The following STXBP5L variants were observed in gnomAD, a reference collection of about 807,000 sequenced individuals.
The protein encoded by STXBP5L is syntaxin binding protein 5L, also known as syntaxin-binding protein 5-like.
In STXBP5L, 65 loss-of-function variants were observed where a neutral mutation model predicts 144.5. That is an observed-to-expected ratio of 0.45 (90% CI 0.37 to 0.55). The LOEUF (loss-of-function observed/expected upper bound fraction) is 0.55, where lower values mean the gene tolerates loss of function less well. Among genes scored for constraint, STXBP5L ranks in the 20% least tolerant of loss-of-function variants. The pLI, the probability that STXBP5L is intolerant of heterozygous loss-of-function variation, is 0.00. For synonymous variants in STXBP5L, 505 were observed against 469.6 expected, an observed-to-expected ratio of 1.08 and a Z score of -0.97; for missense variants, 1,298 against 1,405.5, an observed-to-expected ratio of 0.92 and a Z score of 1.22.
chr3:121,194,042 AC>A (rs2047820197), intron 9 of STXBP5L, among the ~76,000 whole-genome samples: 1 of 152,168 alleles, frequency 6.6e-6, no homozygotes, highest in Non-Finnish European at 1.5e-5. Context: ...AAATAAAATG[AC>A]ATATCCTACA....
At chr3:121,411,194 G>T (rs1455984493) in intron 23 of STXBP5L, among the ~76,000 whole-genome samples, 1 of 152,036 alleles carries the variant, frequency 6.6e-6, no homozygotes, top group East Asian at 1.9e-4. Context: ...GACGAGCCAC[G>T]TATCAACTGC....
intron 5 of STXBP5L, among the ~76,000 whole-genome samples, chr3:121,059,881 T>C (rs2041176326): frequency 6.6e-6 from 1 of 152,208 alleles, no homozygotes; most frequent in Admixed American, 6.6e-5. Flanking sequence ...GCTGAGACTA[T>C]GGGGTTTTCT....
At chr3:120,942,225 A>G (rs1360837511) in intron 2 of STXBP5L, among the ~76,000 whole-genome samples, 1 of 151,752 alleles carries the variant, frequency 6.6e-6, no homozygotes, top group Non-Finnish European at 1.5e-5. Context: ...CTTGAGATAT[A>G]TAAACAAATA....
intron 2 of STXBP5L, among the ~76,000 whole-genome samples, chr3:120,926,822 C>G (rs1709656820): frequency 6.6e-6 from 1 of 152,074 alleles, no homozygotes; most frequent in Non-Finnish European, 1.5e-5. Flanking sequence ...TGTTGAGGGC[C>G]TCTAGTGAGT....
chr3:121,318,967 A>G (rs2043879427), intron 20 of STXBP5L, among the ~76,000 whole-genome samples: 1 of 152,194 alleles, frequency 6.6e-6, no homozygotes, highest in African/African-American at 2.4e-5. Context: ...ATATTTATTC[A>G]CAAGGAAAAA....
At chr3:121,002,238 G>T (rs756571761) in intron 3 of STXBP5L, among the ~76,000 whole-genome samples, 9 of 151,624 alleles carry the variant, frequency 5.9e-5, no homozygotes, top group Non-Finnish European at 1.3e-4. Flanking sequence ...TTTGATAATA[G>T]GCATTCTAAT....
rs1158392614 is a variant in STXBP5L at position 121,152,476 on chromosome 3, G to C, written c.670-1G>C. ...AAAATGATTGTTCTAATGTTTTCCA[G>C]CTGCTAATAGGTTATGAAAATGGTA... On this transcript the variant is annotated splice_acceptor_variant, in intron 7 of 26. Transcript: ENST00000471454. LOFTEE classifies it high-confidence loss of function. The C allele has an allele frequency of 6.3e-7, 1 of 1,590,604 alleles. No individual in the cohort carries two copies. Among genetic ancestry groups the C allele is most frequent in the Admixed American group, 1.8e-5 (1 of 54,824 alleles).
At chr3:121,125,486 A>C (rs535734613) in intron 7 of STXBP5L, among the ~76,000 whole-genome samples, 1 of 152,166 alleles carries the variant, frequency 6.6e-6, no homozygotes, top group East Asian at 1.9e-4. Context: ...AAAAATCAAG[A>C]TAATGTCATA....
chr3:121,171,747 T>A (rs1232034722), intron 9 of STXBP5L, among the ~76,000 whole-genome samples: 1 of 149,210 alleles, frequency 6.7e-6, no homozygotes, highest in Non-Finnish European at 1.5e-5. Flanking sequence ...ATAAGAAGAA[T>A]CAATATCGTG....
At chr3:121,343,470 A>C (rs1248649138) in intron 20 of STXBP5L, among the ~76,000 whole-genome samples, 1 of 152,174 alleles carries the variant, frequency 6.6e-6, no homozygotes, top group African/African-American at 2.4e-5. Context: ...CCCTGTTTGC[A>C]GATGACATGA....
At chr3:120,952,531 A>C (rs1711334023) in intron 2 of STXBP5L, among the ~76,000 whole-genome samples, 1 of 151,934 alleles carries the variant, frequency 6.6e-6, no homozygotes, top group South Asian at 2.1e-4. Flanking sequence ...TTCACTTTTA[A>C]GTCCTCATAA....
At chr3:121,296,070 G>A (rs1454667449) in intron 19 of STXBP5L, among the ~76,000 whole-genome samples, 2 of 152,058 alleles carry the variant, frequency 1.3e-5, no homozygotes, top group Non-Finnish European at 2.9e-5. Context: ...ATACTCAATT[G>A]TTTATTTACC....
intron 19 of STXBP5L, among the ~76,000 whole-genome samples, chr3:121,304,848 T>C (rs891647217): frequency 3.3e-5 from 5 of 151,702 alleles, no homozygotes; most frequent in Non-Finnish European, 7.4e-5. Flanking sequence ...AAGGAAATAA[T>C]AATCATCAAA....
intron 20 of STXBP5L, among the ~76,000 whole-genome samples, chr3:121,347,471 T>C (rs901299956): frequency 2.6e-5 from 4 of 152,170 alleles, no homozygotes; most frequent in Non-Finnish European, 4.4e-5. Flanking sequence ...AACTTTAAAG[T>C]AGTTTTTTCC....
At chr3:121,188,645 T>C (rs1275014086) in intron 9 of STXBP5L, among the ~76,000 whole-genome samples, 1 of 152,220 alleles carries the variant, frequency 6.6e-6, no homozygotes, top group Non-Finnish European at 1.5e-5. Flanking sequence ...GATGCAAGGC[T>C]GGTTCAACAT....
intron 3 of STXBP5L, among the ~76,000 whole-genome samples, chr3:120,968,709 T>C (rs966936431): frequency 1.1e-4 from 16 of 152,140 alleles, no homozygotes; most frequent in African/African-American, 3.9e-4. Flanking sequence ...TAGTCTTTTA[T>C]CCCTCCCCCG....
Position 121,419,128 on chromosome 3 carries a change from A to AT in STXBP5L, c.*31_*32insT. 1 of 1,605,636 alleles carries AT rather than the reference A, an allele frequency of 6.2e-7. No individual in the cohort carries two copies. The highest frequency in any genetic ancestry group is 2.2e-5 in the East Asian group (1 of 44,602). ...AAAGAAGCTGTGACTGCTTTGAGAA[A>AT]CCATATTCAGGGAAACCAAATTTAT... On this transcript the variant is annotated 3_prime_UTR_variant, in exon 27 of 27. Transcript: ENST00000471454.
intron 9 of STXBP5L, among the ~76,000 whole-genome samples, chr3:121,204,572 T>C (rs1464780579): frequency 6.7e-6 from 1 of 150,104 alleles, no homozygotes. Flanking sequence ...AATCTGAAAA[T>C]TTAAAGCTAT....
At chr3:121,388,974 T>G (rs991292425) in intron 22 of STXBP5L, among the ~76,000 whole-genome samples, 1 of 152,086 alleles carries the variant, frequency 6.6e-6, no homozygotes, top group Non-Finnish European at 1.5e-5. Context: ...GGCACCAGCT[T>G]CTCTTTGTGC....
Sources: gnomAD v4.1 joint callset for allele counts (sites outside exome capture counted in the v4.1 genomes callset) on GRCh38, gnomAD v4.1.1 for gene constraint, MANE v1.5 for transcripts, NCBI Gene and HGNC (gene_info 2026-07-23, HGNC 2026-07-21) for gene names.